The following AGBL4 variants were observed in gnomAD, a reference collection of about 807,000 sequenced individuals.
AGBL4 encodes AGBL carboxypeptidase 4, also known as cytosolic carboxypeptidase 6.
A neutral mutation model predicts 66.4 loss-of-function variants in AGBL4; 58 were observed. That is an observed-to-expected ratio of 0.87 (90% CI 0.71 to 1.09). The LOEUF (loss-of-function observed/expected upper bound fraction) is 1.09, where lower values mean the gene tolerates loss of function less well. Among genes scored for constraint, AGBL4 ranks in the 50% least tolerant of loss-of-function variants. The probability of loss-of-function intolerance (pLI) is 0.00; values close to 1 mark genes in which losing one functional copy is unlikely to be tolerated. For synonymous variants in AGBL4, 234 were observed against 222.9 expected (o/e 1.05, Z -0.44); for missense variants, 579 against 631.0 (o/e 0.92, Z 0.88).
In AGBL4 at chr1:49,031,908, G is replaced by A. The variant is rs545259282; in HGVS notation, c.594+13676C>T. Among the ~76,000 whole-genome samples, 23 of 152,206 alleles carry A rather than the reference G, an allele frequency of 1.5e-4. No homozygotes were observed. The South Asian group carries it at 4.8e-3, about 32-fold the overall frequency. ...TGATAAGTCTGTTAAAAGAGAAATA[G>A]AATATATTACAGAAGTACACAACAA... On this transcript the variant is annotated intron_variant, in intron 5 of 13. Transcript: ENST00000371839.
At chr1:48,691,907 C>A (rs896299630) in intron 6 of AGBL4, among the ~76,000 whole-genome samples, 2 of 152,186 alleles carry the variant, frequency 1.3e-5, no homozygotes, top group Non-Finnish European at 2.9e-5. Context: ...CTTTGCTTTG[C>A]CTTTTACTGG....
chr1:48,862,511 C>T (rs932483447), intron 6 of AGBL4, among the ~76,000 whole-genome samples: 1 of 151,980 alleles, frequency 6.6e-6, no homozygotes, highest in South Asian at 2.1e-4. Flanking sequence ...TTAGTAGAGA[C>T]AGGGCTTCAC....
chr1:48,663,313 G>A, intron 6 of AGBL4, 72 bp from the exon 7 acceptor site: 1 of 1,439,246 alleles, frequency 6.9e-7, no homozygotes, highest in Admixed American at 1.7e-5. Flanking sequence ...GTGTGTGGCA[G>A]GGAACCCCAG....
At chr1:49,764,517 G>C (rs1470744074) in intron 2 of AGBL4, among the ~76,000 whole-genome samples, 2 of 152,082 alleles carry the variant, frequency 1.3e-5, no homozygotes, top group East Asian at 3.9e-4. Context: ...ACTTTGGGCT[G>C]GCCTGACCAC....
chr1:48,525,059 C>T, the AGBL4 span, among the ~76,000 whole-genome samples: 1 of 152,054 alleles, frequency 6.6e-6, no homozygotes, highest in Non-Finnish European at 1.5e-5. Context: ...GTCTCATTTT[C>T]GCCACCAGCA....
intron 2 of AGBL4, chr1:49,845,739 G>A (rs201971539): frequency 6.3e-7 from 1 of 1,591,144 alleles, no homozygotes; most frequent in Non-Finnish European, 8.6e-7. Context: ...ACACGGGAGA[G>A]AAGCCCTATG....
intron 3 of AGBL4, among the ~76,000 whole-genome samples, chr1:49,340,217 A>G (rs1470146120): frequency 2.7e-4 from 4 of 15,090 alleles, no homozygotes; most frequent in Middle Eastern, 0.1. Context: ...TTCTCTATGG[A>G]AAAAAAAAAA....
In AGBL4 at chr1:48,757,175, C is replaced by A. The variant is rs1020619006; in HGVS notation, c.635-93934G>T. 5.3e-5 allele frequency among the ~76,000 whole-genome samples: 8 copies of A among 152,204 alleles called. No homozygotes were observed. The East Asian group carries it at 1.2e-3, about 22-fold the overall frequency. The stretch of plus-strand genomic sequence containing the variant: ...AAGAATTTCTGTTTTTGGTGTACTT[C>A]CCCACAAGCCCCCAAGAAGTTCATA... On this transcript the variant is annotated intron_variant, in intron 6 of 13. Coordinates refer to ENST00000371839, the MANE Select transcript of AGBL4 (RefSeq NM_032785.4).
At position 48,590,988 on chromosome 1, in the gene AGBL4, G is replaced by A. The variant is rs775602543; in HGVS notation, c.952-3C>T. On this transcript the variant is annotated splice_region_variant and splice_polypyrimidine_tract_variant and intron_variant, in intron 9 of 13. Transcript: ENST00000371839. ...ATATAAAACTCCAGGCTTGTTTTCTGTTGAGAGAAAGGATAACAAATGAGA... is the reference window on the plus strand; with the variant it reads ...ATATAAAACTCCAGGCTTGTTTTCTATTGAGAGAAAGGATAACAAATGAGA... The A allele has an allele frequency of 1.9e-6, 3 of 1,604,714 alleles. No individual in the cohort carries two copies. The highest frequency in any genetic ancestry group is 3.4e-5 in the Admixed American group (2 of 58,968).
At chr1:49,423,206 C>G (rs1379851383) in intron 3 of AGBL4, 1 of 152,136 alleles carries the variant, frequency 6.6e-6, no homozygotes, top group Non-Finnish European at 1.5e-5. Flanking sequence ...GTAACTTACG[C>G]CAACTAATAC....
At chr1:49,932,852 A>G (rs975857441) in intron 1 of AGBL4, among the ~76,000 whole-genome samples, 2 of 152,124 alleles carry the variant, frequency 1.3e-5, no homozygotes, top group Non-Finnish European at 2.9e-5. Context: ...CAAAAACTAA[A>G]ATTATTCAAT....
intron 3 of AGBL4, among the ~76,000 whole-genome samples, chr1:49,543,164 C>A (rs774985809): frequency 3.9e-5 from 6 of 152,098 alleles, no homozygotes; most frequent in Non-Finnish European, 7.3e-5. Context: ...CACCTCTAAT[C>A]CATAATTCTG....
chr1:49,052,895 G>A (rs1644245311), intron 4 of AGBL4, among the ~76,000 whole-genome samples: 1 of 152,196 alleles, frequency 6.6e-6, no homozygotes, highest in South Asian at 2.1e-4. Flanking sequence ...TAGAAATGCA[G>A]TCATTGTATA....
intron 6 of AGBL4, among the ~76,000 whole-genome samples, chr1:48,861,685 T>C (rs572716060): frequency 6.3e-4 from 96 of 152,314 alleles, no homozygotes; most frequent in African/African-American, 2.3e-3. Context: ...CCAGACCTTT[T>C]ACCATAATGC....
chr1:49,153,030 G>A (rs1037068607), intron 4 of AGBL4, among the ~76,000 whole-genome samples: 2 of 152,100 alleles, frequency 1.3e-5, no homozygotes, highest in Non-Finnish European at 2.9e-5. Context: ...GGAGAGGTGG[G>A]AAGGAAGGGA....
chr1:48,819,006 T>C (rs964965030), intron 6 of AGBL4, among the ~76,000 whole-genome samples: 2 of 152,110 alleles, frequency 1.3e-5, no homozygotes, highest in Non-Finnish European at 2.9e-5. Flanking sequence ...ATTAAAAATA[T>C]ATACAATGGA....
chr1:49,990,878 C>T lies in AGBL4; in HGVS notation c.34+32885G>A, dbSNP rs1338395278. ...CAATGACTTTTACTAATGTGAATTA[C>T]ACATATGAAATTTCTGTGTATGTTC... On this transcript the variant is annotated intron_variant, in intron 1 of 13. Transcript: ENST00000371839. Among the ~76,000 whole-genome samples the T allele has an allele frequency of 3.3e-5, 5 of 152,234 alleles. No individual in the cohort carries two copies. In the East Asian group the frequency reaches 9.6e-4, roughly 29 times the overall value.
At chr1:49,122,243 T>A (rs992410157) in intron 4 of AGBL4, among the ~76,000 whole-genome samples, 4 of 152,220 alleles carry the variant, frequency 2.6e-5, no homozygotes, top group Non-Finnish European at 5.9e-5. Context: ...CCCAATGAGA[T>A]GAACCAGGTA....
At chr1:49,220,745 G>C (rs1254223182) in intron 4 of AGBL4, among the ~76,000 whole-genome samples, 1 of 152,038 alleles carries the variant, frequency 6.6e-6, no homozygotes, top group East Asian at 1.9e-4. Flanking sequence ...TTGCATCTCA[G>C]TTCCCTCACT....
Sources: allele counts gnomAD v4.1 joint callset (sites outside exome capture counted in the v4.1 genomes callset), GRCh38; gene constraint gnomAD v4.1.1; transcripts MANE v1.5; gene names NCBI Gene and HGNC (gene_info 2026-07-23, HGNC 2026-07-21).